PCDHGB3: variants seen among roughly 807,000 people sequenced by gnomAD.
PCDHGB3 encodes protocadherin gamma-B3.
PCDHGB3 carries 40 observed loss-of-function variants against 59.2 expected under a neutral mutation model. The observed-to-expected ratio is 0.68, with a 90% CI of 0.52 to 0.88. The LOEUF is 0.88. Among genes scored for constraint, PCDHGB3 ranks in the 40% least tolerant of loss-of-function variants. The pLI is 0.00. For synonymous variants in PCDHGB3, 581 were observed against 503.6 expected, an observed-to-expected ratio of 1.15 and a Z score of -2.06; for missense variants, 1,309 against 1,187.9, an observed-to-expected ratio of 1.10 and a Z score of -1.50.
At chr5:141,473,501 G>A (rs1053399138) in intron 1 of PCDHGB3, among the ~76,000 whole-genome samples, 2 of 152,188 alleles carry the variant, frequency 1.3e-5, no homozygotes, top group South Asian at 4.1e-4. Context: ...GGTGTTCTGA[G>A]AGAGCATAAC....
chr5:141,394,249 C>G (rs1055429829), intron 1 of PCDHGB3: 2 of 1,613,964 alleles, frequency 1.2e-6, no homozygotes, highest in South Asian at 2.2e-5. Context: ...GCACACGACC[C>G]CGACAGCCAG....
At chr5:141,413,267 GA>G in intron 1 of PCDHGB3, 1 of 1,613,960 alleles carries the variant, frequency 6.2e-7, no homozygotes, top group Non-Finnish European at 8.5e-7. Flanking sequence ...TGGGAGGCTG[GA>G]GCCCGGCAGA....
At chr5:141,421,489 G>A in intron 1 of PCDHGB3, 1 of 1,614,094 alleles carries the variant, frequency 6.2e-7, no homozygotes, top group Non-Finnish European at 8.5e-7. Flanking sequence ...CTTGATCACG[G>A]CAGGCAGGAT....
At chr5:141,429,657 A>G (rs1455808092) in intron 1 of PCDHGB3, among the ~76,000 whole-genome samples, 1 of 152,232 alleles carries the variant, frequency 6.6e-6, no homozygotes, top group African/African-American at 2.4e-5. Flanking sequence ...TTCCCAATTT[A>G]AAATATATTA....
At chr5:141,484,075 C>G (rs1397285710) in intron 1 of PCDHGB3, among the ~76,000 whole-genome samples, 2 of 152,084 alleles carry the variant, frequency 1.3e-5, no homozygotes, top group African/African-American at 4.8e-5. Context: ...AAAGCTTGCT[C>G]TTTTGAAATG....
intron 1 of PCDHGB3, among the ~76,000 whole-genome samples, chr5:141,460,221 C>T (rs931609262): frequency 3.4e-4 from 51 of 151,918 alleles, no homozygotes; most frequent in African/African-American, 1.2e-3. Flanking sequence ...TTAGTTGTGT[C>T]TTTTGAAGAG....
intron 1 of PCDHGB3, chr5:141,416,686 T>C (rs1341005031): frequency 6.6e-6 from 1 of 152,244 alleles, no homozygotes; most frequent in African/African-American, 2.4e-5. Flanking sequence ...AGGGAAATTA[T>C]ATAAACAAAG....
intron 1 of PCDHGB3, among the ~76,000 whole-genome samples, chr5:141,448,434 GA>G (rs1297090877): frequency 1.3e-5 from 2 of 152,050 alleles, no homozygotes; most frequent in South Asian, 4.2e-4. Flanking sequence ...TATATATTGA[GA>G]AGTCTGACTT....
chr5:141,385,979 A>T (rs1561609878), intron 1 of PCDHGB3: 1 of 152,222 alleles, frequency 6.6e-6, no homozygotes, highest in South Asian at 2.1e-4. Flanking sequence ...AAAACCAATA[A>T]AATATGTCAA....
chr5:141,473,254 T>C (rs1203765731), intron 1 of PCDHGB3, among the ~76,000 whole-genome samples: 5 of 152,152 alleles, frequency 3.3e-5, no homozygotes, highest in African/African-American at 4.8e-5. Context: ...ACATATATAG[T>C]CCTTAGTGTA....
chr5:141,484,805 A>G (rs1594417928), intron 1 of PCDHGB3, among the ~76,000 whole-genome samples: 1 of 151,896 alleles, frequency 6.6e-6, no homozygotes, highest in East Asian at 1.9e-4. Context: ...CCGTGGAAAA[A>G]CATGCCGTTG....
chr5:141,392,568 T>A (rs2092555063), intron 1 of PCDHGB3: 4 of 442,486 alleles, frequency 9.0e-6, no homozygotes, highest in Non-Finnish European at 1.2e-5. Context: ...CAGTAACTAT[T>A]TAGGACTGTA....
intron 1 of PCDHGB3, chr5:141,478,647 T>G (rs2099469515): frequency 6.4e-7 from 1 of 1,552,152 alleles, no homozygotes; most frequent in Non-Finnish European, 8.7e-7. Flanking sequence ...GAAGATGTTT[T>G]CCTGGTGATG....
chr5:141,400,594 A>G (rs2150867049), intron 1 of PCDHGB3: 1 of 1,603,498 alleles, frequency 6.2e-7, no homozygotes, highest in Non-Finnish European at 8.5e-7. Context: ...AAACTATCGT[A>G]CATTTTCAAG....
intron 1 of PCDHGB3, chr5:141,392,821 C>G: frequency 6.3e-7 from 1 of 1,594,632 alleles, no homozygotes; most frequent in Non-Finnish European, 8.5e-7. Context: ...ACAATGGCCG[C>G]TCCACAGAGT....
At chr5:141,419,773 C>G (rs2096431068) in intron 1 of PCDHGB3, 1 of 1,613,916 alleles carries the variant, frequency 6.2e-7, no homozygotes, top group Non-Finnish European at 8.5e-7. Context: ...AGGACTCGGT[C>G]CGCCAGCGCC....
chr5:141,440,503 G>A (rs979260104), intron 1 of PCDHGB3: 10 of 152,154 alleles, frequency 6.6e-5, no homozygotes, highest in Non-Finnish European at 1.0e-4. Flanking sequence ...ACATTAATAT[G>A]GAGATTCAGG....
At chr5:141,424,698 T>G (rs1214214315) in intron 1 of PCDHGB3, 1 of 152,228 alleles carries the variant, frequency 6.6e-6, no homozygotes, top group Non-Finnish European at 1.5e-5. Context: ...GCTATTTTTT[T>G]GTTCATTTTC....
chr5:141,452,088 AAG>A (rs1200732162), intron 1 of PCDHGB3, among the ~76,000 whole-genome samples: 2 of 152,206 alleles, frequency 1.3e-5, no homozygotes, highest in African/African-American at 4.8e-5. Flanking sequence ...ATTATACAGT[AAG>A]AAAGAGCTTT....
Sources: gnomAD v4.1 joint callset for allele counts (sites outside exome capture counted in the v4.1 genomes callset) on GRCh38, gnomAD v4.1.1 for gene constraint, MANE v1.5 for transcripts, NCBI Gene and HGNC (gene_info 2026-07-23, HGNC 2026-07-21) for gene names.